The following PRKCH variants were observed in gnomAD, a reference collection of about 807,000 sequenced individuals.
PRKCH encodes protein kinase C eta type.
Under a neutral mutation model 82.5 loss-of-function variants are expected in PRKCH, and 28 were observed. The ratio of observed to expected loss-of-function variants is 0.34; its 90% CI spans 0.25 to 0.47. The LOEUF (loss-of-function observed/expected upper bound fraction) is 0.47, where lower values mean the gene tolerates loss of function less well. Among genes scored for constraint, PRKCH ranks in the 20% least tolerant of loss-of-function variants. The pLI is 1.00. For missense variants in PRKCH, 705 were observed against 881.8 expected (o/e 0.80, Z 2.54); for synonymous variants, 322 against 327.4 (o/e 0.98, Z 0.18).
intron 2 of PRKCH, among the ~76,000 whole-genome samples, chr14:61,413,062 A>C (rs534899830): frequency 4.4e-4 from 67 of 151,760 alleles, no homozygotes; most frequent in Non-Finnish European, 8.5e-4. Flanking sequence ...AAAATTCTTC[A>C]CCTGATCATA....
At chr14:61,352,167 A>G (rs879717611) in intron 1 of PRKCH, among the ~76,000 whole-genome samples, 3 of 152,200 alleles carry the variant, frequency 2.0e-5, no homozygotes, top group African/African-American at 7.2e-5. Flanking sequence ...GAATCAGGCC[A>G]TTAATCACCA....
intron 10 of PRKCH, among the ~76,000 whole-genome samples, chr14:61,522,445 T>G (rs2042918686): frequency 6.6e-6 from 1 of 152,180 alleles, no homozygotes; most frequent in Non-Finnish European, 1.5e-5. Context: ...GTCTCCATGC[T>G]CTCTTCTCTC....
At chr14:61,200,762 G>A (rs1382629904) in intron 1 of PRKCH, among the ~76,000 whole-genome samples, 1 of 126,350 alleles carries the variant, frequency 7.9e-6, no homozygotes, top group Non-Finnish European at 1.6e-5. Context: ...ACAATATATT[G>A]TTAAGTGTTC....
chr14:61,411,177 C>G lies in PRKCH; in HGVS notation c.427+19889C>G, dbSNP rs150575179. ...GACCTTTGAGCCACCTCAGAAGACA[C>G]CAGCCTTCATGCTCATCCTTTACAC... On this transcript the variant is annotated intron_variant, in intron 2 of 13. Transcript: ENST00000332981. 2.8e-4 allele frequency among the ~76,000 whole-genome samples: 42 copies of G among 152,302 alleles called. No individual in the cohort carries two copies. In the East Asian group the frequency reaches 7.7e-3, roughly 28 times the overall value.
intron 2 of PRKCH, among the ~76,000 whole-genome samples, chr14:61,424,829 G>A (rs1398208600): frequency 6.6e-6 from 1 of 152,218 alleles, no homozygotes; most frequent in Non-Finnish European, 1.5e-5. Context: ...TGGTTTCATG[G>A]ACTGGGCCCA....
chr14:61,446,749 G>A (rs1298399660), intron 4 of PRKCH, among the ~76,000 whole-genome samples: 2 of 152,334 alleles, frequency 1.3e-5, no homozygotes, highest in East Asian at 3.9e-4. Context: ...CTGTCACTTT[G>A]TGGCATGGGC....
chr14:61,340,089 C>T (rs1418642646), intron 1 of PRKCH, among the ~76,000 whole-genome samples: 1 of 134,780 alleles, frequency 7.4e-6, no homozygotes, highest in Non-Finnish European at 1.7e-5. Flanking sequence ...CAGTGTTTTC[C>T]TTTCCCTTCT....
At chr14:61,491,224 T>G (rs757025035) in intron 10 of PRKCH, among the ~76,000 whole-genome samples, 12 of 152,214 alleles carry the variant, frequency 7.9e-5, no homozygotes, top group Non-Finnish European at 1.5e-4. Context: ...GGAAAATCTT[T>G]TTAGATAAAG....
intron 1 of PRKCH, among the ~76,000 whole-genome samples, chr14:61,214,557 T>C (rs556134543): frequency 7.9e-5 from 12 of 152,266 alleles, no homozygotes; most frequent in African/African-American, 2.6e-4. Flanking sequence ...GACATTTATT[T>C]CTCAAGTTCT....
chr14:61,512,680 A>G (rs548537696), intron 10 of PRKCH, among the ~76,000 whole-genome samples: 1 of 152,022 alleles, frequency 6.6e-6, no homozygotes, highest in Admixed American at 6.6e-5. Flanking sequence ...TTCCTGGCTG[A>G]CCTTTTAATT....
At chr14:61,242,269 C>T (rs2044845892) in intron 1 of PRKCH, among the ~76,000 whole-genome samples, 1 of 152,168 alleles carries the variant, frequency 6.6e-6, no homozygotes, top group African/African-American at 2.4e-5. Flanking sequence ...ATGGTCATAC[C>T]TTAACTCAAA....
At chr14:61,516,534 G>A (rs10483739) in intron 10 of PRKCH, among the ~76,000 whole-genome samples, 32,620 of 152,046 alleles carry the variant, frequency 0.21, 3,599 homozygotes, top group South Asian at 0.31. Context: ...GTGTCTCCAC[G>A]TGTAAGTACT....
chr14:61,437,954 C>G (rs1883756872), intron 2 of PRKCH, among the ~76,000 whole-genome samples: 1 of 152,070 alleles, frequency 6.6e-6, no homozygotes, highest in South Asian at 2.1e-4. Context: ...CCTTTCTATT[C>G]CTAGAACTCT....
At chr14:61,232,294 C>T (rs990312397) in intron 1 of PRKCH, among the ~76,000 whole-genome samples, 3 of 152,242 alleles carry the variant, frequency 2.0e-5, no homozygotes, top group Non-Finnish European at 2.9e-5. Flanking sequence ...AGAATGATCT[C>T]GGCTCACTGC....
intron 9 of PRKCH, among the ~76,000 whole-genome samples, chr14:61,471,694 A>G (rs1306772800): frequency 2.0e-5 from 3 of 152,048 alleles, no homozygotes; most frequent in Non-Finnish European, 4.4e-5. Flanking sequence ...ACTGATTTGC[A>G]TAATGCAGTG....
chr14:61,365,500 T>G (rs183366541), intron 1 of PRKCH, among the ~76,000 whole-genome samples: 4 of 152,086 alleles, frequency 2.6e-5, no homozygotes, highest in Non-Finnish European at 5.9e-5. Flanking sequence ...AGAGGGAAAA[T>G]GTATTTCACG....
intron 1 of PRKCH, among the ~76,000 whole-genome samples, chr14:61,259,028 A>G (rs1245733045): frequency 6.6e-6 from 1 of 151,792 alleles, no homozygotes; most frequent in Non-Finnish European, 1.5e-5. Flanking sequence ...CCTCTTTCCC[A>G]CTCAATCTGG....
In PRKCH at chr14:61,191,898, G is replaced by A. The variant is rs145573807; in HGVS notation, c.-19+4230G>A. 3.1e-3 allele frequency among the ~76,000 whole-genome samples: 469 copies of A among 152,156 alleles called. 6 individuals carry two copies. The highest frequency in any genetic ancestry group is 0.011 in the African/African-American group (444 of 41,512). ...TCCCCCTTAGTTTACAAGCTCATAC[G>A]TATTCCAGAAGAATGTAATCCACAT... On this transcript the variant is annotated intron_variant, in intron 1 of 3. Coordinates refer to the PRKCH transcript ENST00000555185.
chr14:61,331,092 G>A (rs1195224347), intron 1 of PRKCH, among the ~76,000 whole-genome samples: 1 of 152,158 alleles, frequency 6.6e-6, no homozygotes, highest in East Asian at 1.9e-4. Context: ...CTCATGAGAA[G>A]TGTAATATAC....
Sources: allele counts gnomAD v4.1 joint callset (sites outside exome capture counted in the v4.1 genomes callset), GRCh38; gene constraint gnomAD v4.1.1; transcripts MANE v1.5; gene names NCBI Gene and HGNC (gene_info 2026-07-23, HGNC 2026-07-21).